The following ADAMTS5 variants were observed in gnomAD, a reference collection of about 807,000 sequenced individuals.
The protein encoded by ADAMTS5 is ADAM metallopeptidase with thrombospondin type 1 motif 5.
Under a neutral mutation model 81.4 loss-of-function variants are expected in ADAMTS5, and 54 were observed. The ratio of observed to expected loss-of-function variants is 0.66; its 90% CI spans 0.53 to 0.83. The LOEUF (loss-of-function observed/expected upper bound fraction) is 0.83. ADAMTS5 is among the 40% of genes least tolerant of loss of function. The pLI, the probability that ADAMTS5 is intolerant of heterozygous loss-of-function variation, is 0.00. For synonymous variants in ADAMTS5, 532 were observed against 508.8 expected (o/e 1.05, Z -0.61); for missense variants, 1,194 against 1,229.9 (o/e 0.97, Z 0.44).
At chr21:26,941,381 CAG>C (rs34997665) in intron 3 of ADAMTS5, among the ~76,000 whole-genome samples, 6 of 151,598 alleles carry the variant, frequency 4.0e-5, no homozygotes, top group Non-Finnish European at 7.4e-5. Flanking sequence ...GGAACAGAAA[CAG>C]ATATAAAAAT....
At chr21:26,945,773 A>C (rs1417668911) in intron 2 of ADAMTS5, among the ~76,000 whole-genome samples, 1 of 152,160 alleles carries the variant, frequency 6.6e-6, no homozygotes, top group Non-Finnish European at 1.5e-5. Flanking sequence ...ATGCTCCCCA[A>C]ATTTGCTCAT....
chr21:26,965,774 G>T lies in ADAMTS5; in HGVS notation c.618C>A (p.Arg206=). Residue 206 remains arginine, a synonymous_variant, in exon 1 of 8, where the codon CGC becomes CGA. Transcript: ENST00000284987. ...TGGACGCGGGGGTTTCGCAGCTGGC[G>T]CGCGGCGGCAGGGCCTCGAAGCTGA... The part of the protein sequence containing the change: ...EGFSFEALPP[R]ASCETPASTP... 2 of 1,601,584 alleles carry T rather than the reference G, an allele frequency of 1.2e-6. No homozygotes were observed. Among genetic ancestry groups the T allele is most frequent in the Non-Finnish European group, 1.7e-6 (2 of 1,174,444 alleles).
At chr21:26,950,728 G>A (rs1248958866) in intron 2 of ADAMTS5, among the ~76,000 whole-genome samples, 1 of 152,194 alleles carries the variant, frequency 6.6e-6, no homozygotes, top group East Asian at 1.9e-4. Context: ...TATGAAAAGA[G>A]TAAGTTTTCA....
At chr21:26,941,879 T>C (rs569567498) in intron 3 of ADAMTS5, among the ~76,000 whole-genome samples, 1 of 152,200 alleles carries the variant, frequency 6.6e-6, no homozygotes, top group Non-Finnish European at 1.5e-5. Flanking sequence ...GTAACATTCA[T>C]TTTAGGACTT....
chr21:26,932,718 T>G, intron 5 of ADAMTS5, 143 bp downstream of exon 5: 4 of 778,808 alleles, frequency 5.1e-6, no homozygotes, highest in Non-Finnish European at 7.4e-6. Context: ...AACAAACACA[T>G]AGGTGTTTGT....
chr21:26,928,711 CTTT>C (rs1452874642), intron 7 of ADAMTS5, among the ~76,000 whole-genome samples: 10 of 140,760 alleles, frequency 7.1e-5, no homozygotes, highest in African/African-American at 2.6e-4. Flanking sequence ...CTCTTTCTTT[CTTT>C]CTCTCTTTCT....
intron 1 of ADAMTS5, among the ~76,000 whole-genome samples, chr21:26,964,867 C>T (rs1167632654): frequency 6.6e-6 from 1 of 152,204 alleles, no homozygotes; most frequent in Non-Finnish European, 1.5e-5. Context: ...AACCATCCAG[C>T]CCTTTCCATT....
intron 7 of ADAMTS5, among the ~76,000 whole-genome samples, chr21:26,926,721 C>T (rs1271780461): frequency 1.3e-5 from 2 of 150,052 alleles, no homozygotes; most frequent in Non-Finnish European, 3.0e-5. Flanking sequence ...CGCTCTTTTT[C>T]ACTATATCCC....
chr21:26,937,373 C>T (rs1193383889), intron 3 of ADAMTS5, among the ~76,000 whole-genome samples: 1 of 152,152 alleles, frequency 6.6e-6, no homozygotes, highest in East Asian at 1.9e-4. Context: ...TGGAGATGAT[C>T]TTCTCTTGCT....
rs973138710 is a variant in ADAMTS5, at chr21:26,920,716, T to C, written c.*3337A>G. 2.0e-5 allele frequency: 3 copies of C among 152,108 alleles called. No homozygotes were observed. Among genetic ancestry groups the C allele is most frequent in the African/African-American group, 7.2e-5 (3 of 41,438 alleles). The allele number at this position is 152,108 out of a possible 1,614,324, so 9.4% of individuals were successfully genotyped here. A position where few individuals can be genotyped will look rare whatever the true frequency, so the allele number is the denominator to read the frequency against. On this transcript the variant is annotated 3_prime_UTR_variant, in exon 8 of 8. Coordinates refer to ENST00000284987, the MANE Select transcript of ADAMTS5 (RefSeq NM_007038.5). ...CTTCTAGGCTATTTGTGTACCCAAA[T>C]TTAAAACTTGCACCTTGTTTCATTG...
intron 3 of ADAMTS5, among the ~76,000 whole-genome samples, chr21:26,941,827 A>G (rs541143677): frequency 2.0e-4 from 30 of 152,246 alleles, no homozygotes; most frequent in African/African-American, 6.7e-4. Context: ...GAAGGACTTT[A>G]TGAGATACTG....
chr21:26,947,441 T>C (rs1816865), intron 2 of ADAMTS5, among the ~76,000 whole-genome samples: 3,973 of 150,062 alleles, frequency 0.026, 179 homozygotes, highest in African/African-American at 0.09. Context: ...TTCTTTTTCT[T>C]TTTTTTTTTG....
chr21:26,923,913 G>C lies in ADAMTS5; in HGVS notation c.*140C>G, dbSNP rs1372007396. The C allele has an allele frequency of 1.2e-6, 1 of 867,000 alleles. No homozygotes were observed. The highest frequency in any genetic ancestry group is 1.7e-6 in the Non-Finnish European group (1 of 583,496). 53.7% of individuals were successfully genotyped at this position (867,000 alleles called of 1,614,324 possible). On this transcript the variant is annotated 3_prime_UTR_variant, in exon 8 of 8. Coordinates refer to ENST00000284987, the MANE Select transcript of ADAMTS5 (RefSeq NM_007038.5). ...CATCCTCTTTTGGTCACAGAGAGCA[G>C]ATTCTGCCCATAATTGGACTCCTGT...
intron 6 of ADAMTS5, among the ~76,000 whole-genome samples, chr21:26,930,763 G>A (rs1423337431): frequency 6.6e-6 from 1 of 152,012 alleles, no homozygotes; most frequent in Non-Finnish European, 1.5e-5. Flanking sequence ...ATATAAATAA[G>A]CCTGTAAATT....
chr21:26,931,287 T>G (rs976084416), intron 6 of ADAMTS5, among the ~76,000 whole-genome samples: 3 of 152,104 alleles, frequency 2.0e-5, no homozygotes, highest in Non-Finnish European at 4.4e-5. Context: ...CCTTGTGATC[T>G]GCCCGCCTCA....
In ADAMTS5 at chr21:26,966,032, C is replaced by T. The variant is rs765702969; in HGVS notation, c.360G>A (p.Thr120=). The change falls in exon 1 of 8, where the codon ACG becomes ACA. Residue 120 remains threonine, a synonymous_variant. Transcript: ENST00000284987. ...GGCTCCGGTGGCGCCAGGGCGCACTCGTCCCGCCTCCTGCGGGCACGAAGC... is the reference window on the plus strand; with the variant it reads ...GGCTCCGGTGGCGCCAGGGCGCACTTGTCCCGCCTCCTGCGGGCACGAAGC... The part of the protein sequence containing the change: ...IAGFVPAGGG[T]SAPWRHRSHC... 1.5e-5 allele frequency: 24 copies of T among 1,612,900 alleles called. No individual in the cohort carries two copies. Among genetic ancestry groups the T allele is most frequent in the Non-Finnish European group, 1.7e-5 (20 of 1,179,908 alleles).
rs1986944153 is a variant in ADAMTS5, at chr21:26,933,011, A to G, written c.1723T>C (p.Ser575Pro). 6.2e-7 allele frequency: 1 copy of G among 1,613,490 alleles called. No homozygotes were observed. The highest frequency in any genetic ancestry group is 8.5e-7 in the Non-Finnish European group (1 of 1,179,842). ...SSHGNWGSWG[S>P]WGQCSRSCGG... ...CATGAGCGAGAACACTGGCCCCAGG[A>G]TCCCCAAGATCCCCAGTTGCCATGG... The change falls in exon 5 of 8, where the codon TCC becomes CCC. Residue 575 changes from serine (S) to proline (P), a missense_variant. Ser to Pro is a moderately conservative substitution (Grantham distance 74). Around this residue, in one of 2 missense-constraint regions of ADAMTS5, gnomAD observed 696 missense variants for 817.6 expected, o/e 0.85. Coordinates refer to ENST00000284987, the MANE Select transcript of ADAMTS5 (RefSeq NM_007038.5).
intron 3 of ADAMTS5, 105 bp downstream of exon 3, chr21:26,943,275 A>T: frequency 8.7e-7 from 1 of 1,152,948 alleles, no homozygotes; most frequent in Non-Finnish European, 1.2e-6. Context: ...CCACACAACT[A>T]TTGTCTTAGA....
chr21:26,939,822 G>A (rs2063207488), intron 3 of ADAMTS5: 1 of 152,128 alleles, frequency 6.6e-6, no homozygotes, highest in African/African-American at 2.4e-5. Flanking sequence ...CTTTATTTTT[G>A]AGGATCATAC....
Sources: gnomAD v4.1 joint callset for allele counts (sites outside exome capture counted in the v4.1 genomes callset) on GRCh38, gnomAD v4.1.1 for gene constraint, gnomAD v4.1.1 regional missense constraint, MANE v1.5 for transcripts, NCBI Gene and HGNC (gene_info 2026-07-23, HGNC 2026-07-21) for gene names.